Variants in TRAPPC9 observed in about 807,000 individuals in gnomAD.
TRAPPC9 encodes the protein trafficking protein particle complex subunit 9.
In TRAPPC9, 83 loss-of-function variants were observed where a neutral mutation model predicts 124.0. The observed-to-expected ratio is 0.67, with a 90% CI of 0.56 to 0.80. The LOEUF is 0.80. TRAPPC9 is among the 30% of genes least tolerant of loss of function. TRAPPC9 has a pLI of 0.00. For synonymous variants in TRAPPC9, 638 were observed against 617.5 expected, an observed-to-expected ratio of 1.03 and a Z score of -0.49; for missense variants, 1,302 against 1,508.3, an observed-to-expected ratio of 0.86 and a Z score of 2.27.
intron 4 of TRAPPC9, among the ~76,000 whole-genome samples, chr8:140,427,768 A>G (rs1381302345): frequency 2.0e-5 from 3 of 152,238 alleles, no homozygotes; most frequent in African/African-American, 7.2e-5. Context: ...CCCCATGATT[A>G]TGGTGCTATT....
chr8:140,355,208 G>T (rs1424033374), intron 9 of TRAPPC9, among the ~76,000 whole-genome samples: 1 of 152,180 alleles, frequency 6.6e-6, no homozygotes, highest in East Asian at 1.9e-4. Context: ...CCTCTAGAGG[G>T]TTATGCTGCC....
At chr8:140,061,773 G>T (rs535732973) in intron 17 of TRAPPC9, among the ~76,000 whole-genome samples, 2 of 152,178 alleles carry the variant, frequency 1.3e-5, no homozygotes, top group Non-Finnish European at 2.9e-5. Flanking sequence ...AGCAGTCAGG[G>T]CCCACGTTGG....
chr8:139,784,606 GACATATAT>G (rs1344517320), intron 21 of TRAPPC9, among the ~76,000 whole-genome samples: 3 of 30,434 alleles, frequency 9.9e-5, no homozygotes, highest in African/African-American at 2.9e-4. Flanking sequence ...ATAAAAGACT[GACATATAT>G]ATATATATAT....
At chr8:140,212,139 C>T (rs568444308) in intron 17 of TRAPPC9, among the ~76,000 whole-genome samples, 7 of 152,326 alleles carry the variant, frequency 4.6e-5, no homozygotes, top group Admixed American at 2.0e-4. Flanking sequence ...GAAGACACGC[C>T]TCATCCAGCC....
intron 17 of TRAPPC9, among the ~76,000 whole-genome samples, chr8:140,035,368 A>G (rs1840809526): frequency 6.6e-6 from 1 of 152,198 alleles, no homozygotes; most frequent in Non-Finnish European, 1.5e-5. Flanking sequence ...CCAAAGTTGT[A>G]TGACTGAAAT....
At chr8:140,221,675 T>C in intron 16 of TRAPPC9, 92 bp from the exon 17 acceptor site, 9 of 1,495,766 alleles carry the variant, frequency 6.0e-6, no homozygotes, top group East Asian at 2.6e-5. Flanking sequence ...TCTCGCTCTG[T>C]CGCACAAGCT....
chr8:139,878,101 A>G (rs1829445834), intron 21 of TRAPPC9, among the ~76,000 whole-genome samples: 1 of 152,262 alleles, frequency 6.6e-6, no homozygotes, highest in Non-Finnish European at 1.5e-5. Context: ...AACTTTTATA[A>G]TAGCAAACAT....
intron 19 of TRAPPC9, among the ~76,000 whole-genome samples, chr8:139,966,172 C>T (rs937859161): frequency 6.6e-6 from 1 of 152,256 alleles, no homozygotes; most frequent in Non-Finnish European, 1.5e-5. Flanking sequence ...TTGACCATCT[C>T]TCATCCTCGA....
rs192924498 is a variant in TRAPPC9, at chr8:140,045,431, T to A, written c.2557-21352A>T. On this transcript the variant is annotated intron_variant, in intron 17 of 22. Coordinates refer to ENST00000438773, the MANE Select transcript of TRAPPC9 (RefSeq NM_001160372.4). Reference sequence around the variant, plus strand: ...ACCTGAGGTCAGGAGTTAGAGACCATCCTGGCCAACATGGTGTAAACCCCA... The same window carrying A: ...ACCTGAGGTCAGGAGTTAGAGACCAACCTGGCCAACATGGTGTAAACCCCA... 1.9e-3 allele frequency among the ~76,000 whole-genome samples: 288 copies of A among 151,896 alleles called. 2 individuals carry two copies. Among genetic ancestry groups the A allele is most frequent in the Admixed American group, 0.016 (238 of 15,262 alleles).
At chr8:140,061,591 G>A (rs1412310600) in intron 17 of TRAPPC9, among the ~76,000 whole-genome samples, 2 of 152,212 alleles carry the variant, frequency 1.3e-5, no homozygotes, top group Non-Finnish European at 2.9e-5. Flanking sequence ...CAGCAGTCTA[G>A]GAGGCTACCC....
chr8:139,854,663 G>A lies in TRAPPC9; in HGVS notation c.3055+31216C>T, dbSNP rs148955431. 4.6e-5 allele frequency among the ~76,000 whole-genome samples: 7 copies of A among 152,312 alleles called. No individual in the cohort carries two copies. In the South Asian group the frequency reaches 6.2e-4, roughly 14 times the overall value. ...GGGCCGTAGCTACACTCGGCATCAC[G>A]CCTGCACACGTAAAATCCTAGTAGG... On this transcript the variant is annotated intron_variant, in intron 21 of 22. Transcript: ENST00000438773.
intron 19 of TRAPPC9, among the ~76,000 whole-genome samples, chr8:139,974,612 T>C (rs1292024044): frequency 6.6e-6 from 1 of 152,064 alleles, no homozygotes; most frequent in Non-Finnish European, 1.5e-5. Context: ...GTTTTCTCCA[T>C]GACATTCAGC....
chr8:140,145,529 TTTAAA>T (rs940471923), intron 17 of TRAPPC9, among the ~76,000 whole-genome samples: 5 of 152,200 alleles, frequency 3.3e-5, no homozygotes, highest in Non-Finnish European at 5.9e-5. Flanking sequence ...TCTGTAACAA[TTTAAA>T]TTATTTTTTC....
intron 21 of TRAPPC9, among the ~76,000 whole-genome samples, chr8:139,862,913 A>T (rs1828264507): frequency 6.6e-6 from 1 of 152,090 alleles, no homozygotes; most frequent in Non-Finnish European, 1.5e-5. Flanking sequence ...CCACCTTTCG[A>T]TCCGGTGGGT....
intron 20 of TRAPPC9, among the ~76,000 whole-genome samples, chr8:139,899,432 C>A (rs950895124): frequency 1.3e-5 from 2 of 152,092 alleles, no homozygotes; most frequent in South Asian, 4.1e-4. Context: ...GGACACATTT[C>A]CTATTCATGA....
chr8:139,922,856 G>A (rs1371215579), intron 19 of TRAPPC9, among the ~76,000 whole-genome samples: 2 of 152,234 alleles, frequency 1.3e-5, no homozygotes, highest in Non-Finnish European at 2.9e-5. Flanking sequence ...GCTGAAGGTA[G>A]AGAGGGAAAG....
chr8:139,830,906 A>G (rs1825947579), intron 21 of TRAPPC9, among the ~76,000 whole-genome samples: 1 of 152,254 alleles, frequency 6.6e-6, no homozygotes. Flanking sequence ...CTGAACTGTC[A>G]GGGTTATTGA....
At chr8:139,880,556 T>C (rs988708540) in intron 21 of TRAPPC9, among the ~76,000 whole-genome samples, 3 of 152,134 alleles carry the variant, frequency 2.0e-5, no homozygotes, top group African/African-American at 7.2e-5. Context: ...AGGCTGAGTG[T>C]CCTGTGCCCC....
intron 7 of TRAPPC9, among the ~76,000 whole-genome samples, chr8:140,383,212 A>G (rs1048277092): frequency 6.6e-6 from 1 of 152,194 alleles, no homozygotes; most frequent in Non-Finnish European, 1.5e-5. Flanking sequence ...AAAGATGGGG[A>G]AAAAACAGAG....
Sources: allele counts gnomAD v4.1 joint callset (sites outside exome capture counted in the v4.1 genomes callset), GRCh38; gene constraint gnomAD v4.1.1; transcripts MANE v1.5; gene names NCBI Gene and HGNC (gene_info 2026-07-23, HGNC 2026-07-21).